Variants in SPHKAP observed in about 807,000 individuals in gnomAD.
SPHKAP encodes the protein SPHK1 interactor, AKAP domain containing, also known as A-kinase anchor protein SPHKAP.
In SPHKAP, 67 loss-of-function variants were observed where a neutral mutation model predicts 137.5. That is an observed-to-expected ratio of 0.49 (90% CI 0.40 to 0.60). The LOEUF (loss-of-function observed/expected upper bound fraction) is 0.60. Among genes scored for constraint, SPHKAP ranks in the 20% least tolerant of loss-of-function variants. The pLI is 0.00. For synonymous variants in SPHKAP, 813 were observed against 785.3 expected (o/e 1.04, Z -0.59); for missense variants, 2,097 against 2,069.3 (o/e 1.01, Z -0.26).
At chr2:227,982,407 AG>A in intron 11 of SPHKAP, 4 of 974,284 alleles carry the variant, frequency 4.1e-6, no homozygotes, top group Non-Finnish European at 4.9e-6. Context: ...CCACAGCCAC[AG>A]GATCAGGAAA....
chr2:227,988,942 C>A (rs1292649455), intron 11 of SPHKAP, among the ~76,000 whole-genome samples: 2 of 152,076 alleles, frequency 1.3e-5, no homozygotes, highest in African/African-American at 4.8e-5. Context: ...GAACAGCAGG[C>A]AGACATAGGC....
intron 2 of SPHKAP, among the ~76,000 whole-genome samples, chr2:228,111,451 T>C (rs193211806): frequency 3.8e-4 from 58 of 152,290 alleles, no homozygotes; most frequent in Non-Finnish European, 6.9e-4. Flanking sequence ...CTGAAAAGGA[T>C]AATAGAACAT....
At position 228,019,777 on chromosome 2, in the gene SPHKAP, C is replaced by T. The variant is rs1198639071; in HGVS notation, c.1077G>A (p.Val359=). ...GGTTTAGGTTGCTTCTCTGCTCTGCCACAGCACATGCAGAAGGTACATCTT... is the reference window on the plus strand; with the variant it reads ...GGTTTAGGTTGCTTCTCTGCTCTGCTACAGCACATGCAGAAGGTACATCTT... ...MDKDVPSACA[V]AEQRSNLNPG... The change falls in exon 7 of 12, where the codon GTG becomes GTA. Residue 359 remains valine (V), a synonymous_variant. Coordinates refer to ENST00000392056, the MANE Select transcript of SPHKAP (RefSeq NM_001142644.2). 1.9e-6 allele frequency: 3 copies of T among 1,613,960 alleles called. No homozygotes were observed. The highest frequency in any genetic ancestry group is 2.7e-5 in the African/African-American group (2 of 74,914).
At chr2:228,027,333 G>A (rs542514747) in intron 4 of SPHKAP, 151 bp downstream of exon 4, 2 of 763,754 alleles carry the variant, frequency 2.6e-6, no homozygotes, top group Admixed American at 2.5e-5. Context: ...AAACGGTAGA[G>A]GGTAAGTGCT....
chr2:228,152,756 T>A (rs1281635009), intron 1 of SPHKAP, among the ~76,000 whole-genome samples: 13 of 151,826 alleles, frequency 8.6e-5, no homozygotes, highest in Non-Finnish European at 4.4e-5. Flanking sequence ...AAATATAATA[T>A]GTATACTTAC....
At chr2:228,095,246 A>G (rs1173853128) in intron 3 of SPHKAP, among the ~76,000 whole-genome samples, 1 of 152,182 alleles carries the variant, frequency 6.6e-6, no homozygotes, top group African/African-American at 2.4e-5. Flanking sequence ...TTGGGCATCA[A>G]GTTTACAGTC....
At chr2:227,983,957 G>A (rs1693107701) in intron 11 of SPHKAP, among the ~76,000 whole-genome samples, 2 of 152,068 alleles carry the variant, frequency 1.3e-5, no homozygotes, top group South Asian at 4.2e-4. Context: ...CATGCTCATG[G>A]TAACAGCCAC....
At chr2:228,001,024 T>G (rs2106178020) in intron 7 of SPHKAP, among the ~76,000 whole-genome samples, 1 of 152,278 alleles carries the variant, frequency 6.6e-6, no homozygotes, top group East Asian at 1.9e-4. Context: ...GAGTTTCTGT[T>G]GCTCCACATC....
At chr2:228,170,575 C>A (rs988963871) in intron 1 of SPHKAP, among the ~76,000 whole-genome samples, 2 of 152,092 alleles carry the variant, frequency 1.3e-5, no homozygotes, top group African/African-American at 4.8e-5. Context: ...AGACCCACCA[C>A]TAGCAAAAGA....
intron 1 of SPHKAP, among the ~76,000 whole-genome samples, chr2:228,154,512 C>CTCTCTATATATATATATATATA (rs1393941364): frequency 1.8e-4 from 4 of 22,066 alleles, no homozygotes; most frequent in Non-Finnish European, 2.9e-4. Context: ...CTCTCTCTCT[C>CTCTCTATATATATATATATATA]TATATATATA....
At chr2:228,009,509 T>C (rs1361962470) in intron 7 of SPHKAP, among the ~76,000 whole-genome samples, 7 of 152,190 alleles carry the variant, frequency 4.6e-5, no homozygotes, top group Non-Finnish European at 1.0e-4. Flanking sequence ...AGTCCTTGTC[T>C]GCTAATTTCA....
chr2:228,050,950 G>T (rs114338520), intron 3 of SPHKAP, among the ~76,000 whole-genome samples: 7 of 152,140 alleles, frequency 4.6e-5, no homozygotes, highest in African/African-American at 1.7e-4. Flanking sequence ...GGGACTACAG[G>T]TGCCACCAAC....
chr2:228,092,287 GTA>G (rs1220818428), intron 3 of SPHKAP, among the ~76,000 whole-genome samples: 2 of 142,548 alleles, frequency 1.4e-5, no homozygotes, highest in African/African-American at 5.3e-5. Context: ...GTATGTGCGT[GTA>G]TACGTGCACA....
intron 2 of SPHKAP, among the ~76,000 whole-genome samples, chr2:228,118,240 GTTTTTTTTTTTT>G (rs71299665): frequency 8.1e-6 from 1 of 124,146 alleles, no homozygotes; most frequent in Non-Finnish European, 1.7e-5. Flanking sequence ...GAGATACACA[GTTTTTTTTTTTT>G]TTTTTTTTTT....
chr2:228,049,705 G>A (rs1696186358), intron 3 of SPHKAP, among the ~76,000 whole-genome samples: 1 of 152,132 alleles, frequency 6.6e-6, no homozygotes, highest in Admixed American at 6.6e-5. Flanking sequence ...ATGTCCATAT[G>A]TACCCAATGT....
chr2:228,025,859 G>A, intron 4 of SPHKAP: 4 of 984,646 alleles, frequency 4.1e-6, no homozygotes, highest in Non-Finnish European at 3.6e-6. Context: ...TTAAGACCTT[G>A]CATAAAACAT....
At position 228,128,407 on chromosome 2, in the gene SPHKAP, G is replaced by A. The variant is rs10201399; in HGVS notation, c.138+3573C>T. 7.7e-3 allele frequency among the ~76,000 whole-genome samples: 1,165 copies of A among 152,158 alleles called. 8 individuals are homozygous for A. The highest frequency in any genetic ancestry group is 0.012 in the Non-Finnish European group (835 of 67,978). Reference sequence around the variant, plus strand: ...TTGCAGCAATTCAGTCATTCTTCAGGCCCTACTTCCAATTCTAGTTTTCTT... The same window carrying A: ...TTGCAGCAATTCAGTCATTCTTCAGACCCTACTTCCAATTCTAGTTTTCTT... On this transcript the variant is annotated intron_variant, in intron 2 of 11. Transcript: ENST00000392056.
rs533975247 is a variant in SPHKAP, at chr2:228,097,972, G to A, written c.246+10860C>T. Among the ~76,000 whole-genome samples, 213 of 152,240 alleles carry A rather than the reference G, an allele frequency of 1.4e-3. 2 individuals are homozygous for A. The highest frequency in any genetic ancestry group is 0.011 in the South Asian group (51 of 4,822). ...AGTACATGTGTCTTTTTGATAGAAC[G>A]ATCTATATTCCTTTGTGTATATACC... On this transcript the variant is annotated intron_variant, in intron 3 of 11. Transcript: ENST00000392056.
chr2:228,043,742 G>A (rs2396522), intron 3 of SPHKAP, among the ~76,000 whole-genome samples: 147,472 of 152,370 alleles, frequency 0.97, 71,379 homozygotes, highest in East Asian at 1. Context: ...TGCCACAGAC[G>A]TGATAAATTG....
Sources: allele counts gnomAD v4.1 joint callset (sites outside exome capture counted in the v4.1 genomes callset), GRCh38; gene constraint gnomAD v4.1.1; transcripts MANE v1.5; gene names NCBI Gene and HGNC (gene_info 2026-07-23, HGNC 2026-07-21).